The following SLC25A17 variants were observed in gnomAD, a reference collection of about 807,000 sequenced individuals.
SLC25A17 encodes solute carrier family 25 member 17.
In SLC25A17, 26 loss-of-function variants were observed where a neutral mutation model predicts 38.5. That is an observed-to-expected ratio of 0.68 (90% confidence interval 0.50 to 0.94). The LOEUF (loss-of-function observed/expected upper bound fraction) is 0.94. SLC25A17 is among the 40% of genes least tolerant of loss of function. The pLI is 0.00. For missense variants in SLC25A17, 333 were observed against 372.7 expected (o/e 0.89, Z 0.88); for synonymous variants, 139 against 136.2 (o/e 1.02, Z -0.14).
chr22:40,774,956 C>A (rs983670979), intron 7 of SLC25A17, among the ~76,000 whole-genome samples: 1 of 152,148 alleles, frequency 6.6e-6, no homozygotes, highest in African/African-American at 2.4e-5. Context: ...CTCTCCAGTG[C>A]CACCACCGTG....
intron 5 of SLC25A17, among the ~76,000 whole-genome samples, chr22:40,778,159 A>G (rs531604854): frequency 6.6e-6 from 1 of 152,242 alleles, no homozygotes; most frequent in African/African-American, 2.4e-5. Flanking sequence ...GCTCAAAGAT[A>G]TCAGATACCA....
intron 1 of SLC25A17, among the ~76,000 whole-genome samples, chr22:40,804,976 A>G (rs2057516893): frequency 6.6e-6 from 1 of 151,680 alleles, no homozygotes; most frequent in Admixed American, 6.6e-5. Flanking sequence ...TGAGGAAAGA[A>G]AGAGAAGGAA....
chr22:40,794,472 T>C (rs1036359908), intron 3 of SLC25A17, 42 bp downstream of exon 3: 1 of 1,217,018 alleles, frequency 8.2e-7, no homozygotes, highest in Non-Finnish European at 1.2e-6. Flanking sequence ...AGGAATCTCC[T>C]AACAAGTTGC....
At chr22:40,771,752 G>A (rs2057185715) in intron 8 of SLC25A17, among the ~76,000 whole-genome samples, 1 of 151,972 alleles carries the variant, frequency 6.6e-6, no homozygotes, top group Non-Finnish European at 1.5e-5. Flanking sequence ...TGGTTAATAG[G>A]TACAAAAATA....
At chr22:40,786,641 A>G (rs1205076951) in intron 4 of SLC25A17, among the ~76,000 whole-genome samples, 1 of 152,386 alleles carries the variant, frequency 6.6e-6, no homozygotes, top group East Asian at 1.9e-4. Flanking sequence ...TGTTCAGTAT[A>G]GATACAACTA....
At chr22:40,773,342 G>A (rs1041839276) in intron 8 of SLC25A17, among the ~76,000 whole-genome samples, 1 of 150,914 alleles carries the variant, frequency 6.6e-6, no homozygotes, top group Admixed American at 6.6e-5. Flanking sequence ...CCCAGGAGGC[G>A]GAGCTTGCCG....
rs926164451 is a variant in SLC25A17 at position 40,789,380 on chromosome 22, C to G, written c.334+3145G>C. On this transcript the variant is annotated intron_variant, in intron 4 of 8. Coordinates refer to ENST00000435456, the MANE Select transcript of SLC25A17 (RefSeq NM_006358.4). This position sits in a 1 kb window ranked among gnomAD's most constrained non-coding sequence, Gnocchi z 4.5. ...GAGCTCTGTCTGCCGCGGGGGTGCA[C>G]CAGGGGCCCGACGATGCCGATGACA... 12 of 152,346 alleles carry G rather than the reference C, an allele frequency of 7.9e-5. No homozygotes were observed. Among genetic ancestry groups the G allele is most frequent in the African/African-American group, 2.7e-4 (11 of 41,440 alleles). 9.4% of individuals were successfully genotyped at this position (152,346 alleles called of 1,614,324 possible).
rs550132802 is a variant in SLC25A17, at chr22:40,772,641, T to A, written c.776+1296A>T. On this transcript the variant is annotated intron_variant, in intron 8 of 8. Coordinates refer to ENST00000435456, the MANE Select transcript of SLC25A17 (RefSeq NM_006358.4). ...TAGTCCCTTGAATGTTCTTTTTTTT[T>A]TTTTATTTTTTTTATACAAGGTCTT... Among the ~76,000 whole-genome samples, 6 of 152,150 alleles carry A rather than the reference T, an allele frequency of 3.9e-5. No homozygotes were observed. In the South Asian group the frequency reaches 6.3e-4, roughly 16 times the overall value.
chr22:40,771,887 T>C (rs1448517026), intron 8 of SLC25A17, among the ~76,000 whole-genome samples: 1 of 152,128 alleles, frequency 6.6e-6, no homozygotes, highest in Non-Finnish European at 1.5e-5. Context: ...AAAGAATAAA[T>C]GTTTGAGAGG....
At chr22:40,793,635 G>A (rs2057402467) in intron 3 of SLC25A17, among the ~76,000 whole-genome samples, 1 of 151,318 alleles carries the variant, frequency 6.6e-6, no homozygotes, top group African/African-American at 2.4e-5. Context: ...TTTTTGAAAC[G>A]GAGTTTTGCT....
At chr22:40,801,635 C>G (rs949134976) in intron 1 of SLC25A17, among the ~76,000 whole-genome samples, 1 of 152,178 alleles carries the variant, frequency 6.6e-6, no homozygotes, top group Non-Finnish European at 1.5e-5. Flanking sequence ...ACTGAACCCA[C>G]AAAGCTTTAC....
intron 1 of SLC25A17, among the ~76,000 whole-genome samples, chr22:40,816,702 C>A (rs2057644117): frequency 1.3e-5 from 2 of 151,768 alleles, no homozygotes; most frequent in Non-Finnish European, 2.9e-5. Context: ...CCTCTGCCTC[C>A]CAGGTTCAAG....
chr22:40,786,545 G>C (rs2057340196), intron 4 of SLC25A17, among the ~76,000 whole-genome samples: 1 of 152,190 alleles, frequency 6.6e-6, no homozygotes. Flanking sequence ...TTAATGTCTA[G>C]ATTACTTATA....
chr22:40,808,647 A>G (rs1398644765), intron 1 of SLC25A17, among the ~76,000 whole-genome samples: 1 of 152,222 alleles, frequency 6.6e-6, no homozygotes, highest in Non-Finnish European at 1.5e-5. Context: ...TCTCTGTACA[A>G]TGTTTTTATA....
In SLC25A17 at chr22:40,819,251, G is replaced by A. The variant is rs369861280; in HGVS notation, c.-3C>T. The A allele has an allele frequency of 2.6e-5, 42 of 1,613,698 alleles. No homozygotes were observed. Among genetic ancestry groups the A allele is most frequent in the Non-Finnish European group, 3.6e-5 (42 of 1,179,972 alleles). The stretch of plus-strand genomic sequence containing the variant: ...TCGTAGGACAGCACGGAAGCCATTG[G>A]TGCGGCTCCTCGAAGACCCAGCCAC... On this transcript the variant is annotated 5_prime_UTR_variant, in exon 1 of 9. Transcript: ENST00000435456.
intron 1 of SLC25A17, among the ~76,000 whole-genome samples, chr22:40,799,336 C>A (rs902536999): frequency 1.3e-5 from 2 of 150,046 alleles, no homozygotes; most frequent in Non-Finnish European, 3.0e-5. Context: ...GGGGGTCTCA[C>A]TTTGTTGCCC....
rs372733628 is a variant in SLC25A17, at chr22:40,789,184, C to G, written c.334+3341G>C. ...ATTAGCTGTGGGGGATGCCCAGCTGCTTGTAGCCACGGCCGAAGCCCCATA... is the reference window on the plus strand; with the variant it reads ...ATTAGCTGTGGGGGATGCCCAGCTGGTTGTAGCCACGGCCGAAGCCCCATA... On this transcript the variant is annotated intron_variant, in intron 4 of 8. Transcript: ENST00000435456. The surrounding 1 kb of genome is among the most constrained non-coding windows in gnomAD (Gnocchi z 4.5). 1 of 248,078 alleles carries G rather than the reference C, an allele frequency of 4.0e-6. No individual in the cohort carries two copies. The allele number at this position is 248,078 out of a possible 1,614,324, so 15.4% of individuals were successfully genotyped here. A position where few individuals can be genotyped will look rare whatever the true frequency, so the allele number is the denominator to read the frequency against.
intron 1 of SLC25A17, among the ~76,000 whole-genome samples, chr22:40,806,494 A>T (rs139995071): frequency 6.6e-6 from 1 of 152,162 alleles, no homozygotes; most frequent in African/African-American, 2.4e-5. Context: ...GGCCAGAAAG[A>T]AGATTAAAAA....
chr22:40,773,531 TATCATC>T (rs924905517), intron 8 of SLC25A17, among the ~76,000 whole-genome samples: 1 of 151,928 alleles, frequency 6.6e-6, no homozygotes, highest in Non-Finnish European at 1.5e-5. Context: ...CCATCATCAT[TATCATC>T]ATCATCATCA....
Sources: allele counts gnomAD v4.1 joint callset (sites outside exome capture counted in the v4.1 genomes callset), GRCh38; gene constraint gnomAD v4.1.1; non-coding constraint Gnocchi (gnomAD v3.1); transcripts MANE v1.5; gene names NCBI Gene and HGNC (gene_info 2026-07-23, HGNC 2026-07-21).